The following RPS6KA2 variants were observed in gnomAD, a reference collection of about 807,000 sequenced individuals.
RPS6KA2 encodes the protein ribosomal protein S6 kinase A2, also known as ribosomal protein S6 kinase alpha-2.
Under a neutral mutation model 91.8 loss-of-function variants are expected in RPS6KA2, and 42 were observed. The ratio of observed to expected loss-of-function variants is 0.46; its 90% CI spans 0.36 to 0.59. The LOEUF is 0.59. RPS6KA2 is among the 20% of genes least tolerant of loss of function. The probability of loss-of-function intolerance (pLI) is 0.00; values close to 1 mark genes in which losing one functional copy is unlikely to be tolerated. For synonymous variants in RPS6KA2, 414 were observed against 393.6 expected, an observed-to-expected ratio of 1.05 and a Z score of -0.61; for missense variants, 798 against 978.5, an observed-to-expected ratio of 0.82 and a Z score of 2.46.
chr6:166,839,587 G>C (rs1780405778), intron 2 of RPS6KA2, among the ~76,000 whole-genome samples: 1 of 147,202 alleles, frequency 6.8e-6, no homozygotes, highest in African/African-American at 2.5e-5. Flanking sequence ...TTTATAATGG[G>C]GGCTTTGGAA....
In RPS6KA2 at chr6:166,494,556, T is replaced by G. The variant is rs1781714518; in HGVS notation, c.748-3815A>C. 6.6e-6 allele frequency among the ~76,000 whole-genome samples: 1 copy of G among 152,146 alleles called. No homozygotes were observed. Among genetic ancestry groups the G allele is most frequent in the Non-Finnish European group, 1.5e-5 (1 of 68,034 alleles). On this transcript the variant is annotated intron_variant, in intron 8 of 20. Coordinates refer to ENST00000265678, the MANE Select transcript of RPS6KA2 (RefSeq NM_021135.6). The surrounding 1 kb of genome is among the most constrained non-coding windows in gnomAD (Gnocchi z 5.1). ...AGATGTTTACAAAACAGCCCAAATA[T>G]CCTTCTAGAAACTGGCTCCAGCCTG...
chr6:166,562,804 C>A (rs1784381495), intron 1 of RPS6KA2, among the ~76,000 whole-genome samples: 1 of 152,212 alleles, frequency 6.6e-6, no homozygotes, highest in Non-Finnish European at 1.5e-5. Flanking sequence ...GTGGATGGGA[C>A]AGCATGGCCA....
At chr6:166,615,732 T>C (rs1047869135) in intron 1 of RPS6KA2, among the ~76,000 whole-genome samples, 1 of 152,176 alleles carries the variant, frequency 6.6e-6, no homozygotes, top group African/African-American at 2.4e-5. Context: ...ATCCCCGCTC[T>C]ATCCTGTCCT....
chr6:166,801,933 T>G (rs1458168527), intron 2 of RPS6KA2, among the ~76,000 whole-genome samples: 1 of 152,040 alleles, frequency 6.6e-6, no homozygotes, highest in Non-Finnish European at 1.5e-5. Flanking sequence ...TTCAAAAATC[T>G]GAGAGGAAAA....
chr6:166,471,555 T>C (rs538704988), intron 10 of RPS6KA2, among the ~76,000 whole-genome samples: 5 of 152,348 alleles, frequency 3.3e-5, no homozygotes, highest in African/African-American at 1.2e-4. Context: ...AAAGTCCATC[T>C]AGAAGGAATT....
chr6:166,672,693 A>T (rs1788503973), intron 2 of RPS6KA2, among the ~76,000 whole-genome samples: 1 of 152,216 alleles, frequency 6.6e-6, no homozygotes, highest in Non-Finnish European at 1.5e-5. Flanking sequence ...TACTGGACAG[A>T]GGGCTGATCT....
At chr6:166,441,851 G>A (rs1483071750) in intron 14 of RPS6KA2, among the ~76,000 whole-genome samples, 1 of 152,264 alleles carries the variant, frequency 6.6e-6, no homozygotes, top group Middle Eastern at 3.2e-3. Flanking sequence ...CTGTGGGGAA[G>A]GAAGCTGGAG....
chr6:166,690,881 G>A (rs1026654323), intron 2 of RPS6KA2, among the ~76,000 whole-genome samples: 3 of 152,078 alleles, frequency 2.0e-5, no homozygotes, highest in East Asian at 1.9e-4. Context: ...GCTGTGGACA[G>A]GTGTTTACAG....
At chr6:166,507,392 A>C (rs992969937) in intron 5 of RPS6KA2, among the ~76,000 whole-genome samples, 2 of 145,232 alleles carry the variant, frequency 1.4e-5, no homozygotes, top group African/African-American at 5.2e-5. Context: ...ACACACACCC[A>C]CCCCACATCA....
chr6:166,629,724 G>C (rs759767236), upstream of RPS6KA2, among the ~76,000 whole-genome samples: 1 of 152,200 alleles, frequency 6.6e-6, no homozygotes, highest in Non-Finnish European at 1.5e-5. Flanking sequence ...CTGAAGAGAA[G>C]ATAAAGAGCT....
intron 2 of RPS6KA2, among the ~76,000 whole-genome samples, chr6:166,850,669 C>A (rs1445465977): frequency 6.6e-6 from 1 of 152,212 alleles, no homozygotes; most frequent in African/African-American, 2.4e-5. Flanking sequence ...TGAGCCCCTG[C>A]GTCCTCCTCA....
intron 2 of RPS6KA2, among the ~76,000 whole-genome samples, chr6:166,818,716 T>G (rs1364036768): frequency 6.6e-6 from 1 of 152,134 alleles, no homozygotes; most frequent in African/African-American, 2.4e-5. Flanking sequence ...ATCCATCAAT[T>G]ATTTTTTAGT....
At chr6:166,828,901 G>A (rs1309304559) in intron 2 of RPS6KA2, among the ~76,000 whole-genome samples, 3 of 152,106 alleles carry the variant, frequency 2.0e-5, no homozygotes, top group Non-Finnish European at 4.4e-5. Context: ...CCCACAGAAT[G>A]GGAGAAAATA....
At chr6:166,846,906 G>C (rs1221077457) in intron 2 of RPS6KA2, among the ~76,000 whole-genome samples, 1 of 152,174 alleles carries the variant, frequency 6.6e-6, no homozygotes, top group Non-Finnish European at 1.5e-5. Context: ...AATTGGTAAA[G>C]AGGAAGTCAA....
At chr6:166,637,178 C>G (rs183319798) in intron 2 of RPS6KA2, among the ~76,000 whole-genome samples, 2 of 152,312 alleles carry the variant, frequency 1.3e-5, no homozygotes, top group East Asian at 3.9e-4. Context: ...CTGGGACCAT[C>G]TGGAGGGGAA....
chr6:166,857,087 C>T (rs1335669808), intron 2 of RPS6KA2, among the ~76,000 whole-genome samples: 7 of 152,176 alleles, frequency 4.6e-5, no homozygotes, highest in South Asian at 4.1e-4. Flanking sequence ...GCTATGTCAT[C>T]GGATCATAAG....
intron 2 of RPS6KA2, among the ~76,000 whole-genome samples, chr6:166,731,203 T>C (rs1007773741): frequency 1.3e-5 from 2 of 151,850 alleles, no homozygotes; most frequent in African/African-American, 4.8e-5. Context: ...GATTGCGCCA[T>C]TGCACTCCAG....
rs572916006 is a variant in RPS6KA2 at position 166,587,825 on chromosome 6, G to C, written c.99+39096C>G. Among the ~76,000 whole-genome samples the C allele has an allele frequency of 2.0e-3, 299 of 152,308 alleles. 2 individuals carry two copies. The highest frequency in any genetic ancestry group is 0.013 in the South Asian group (63 of 4,828). On this transcript the variant is annotated intron_variant, in intron 1 of 20. Coordinates refer to ENST00000265678, the MANE Select transcript of RPS6KA2 (RefSeq NM_021135.6). ...GGTAGAGTCTGACTTCCTGCTGGCT[G>C]CTGTCATTCATGGCAGGACTTTCCG... is the stretch of plus-strand genomic sequence containing the variant.
At chr6:166,537,056 A>G (rs1783502484) in intron 2 of RPS6KA2, among the ~76,000 whole-genome samples, 3 of 152,366 alleles carry the variant, frequency 2.0e-5, no homozygotes, top group African/African-American at 7.2e-5. Flanking sequence ...TGTGAGGAGG[A>G]CATTGGTAAG....
Sources: allele counts gnomAD v4.1 joint callset (sites outside exome capture counted in the v4.1 genomes callset), GRCh38; gene constraint gnomAD v4.1.1; non-coding constraint Gnocchi (gnomAD v3.1); transcripts MANE v1.5; gene names NCBI Gene and HGNC (gene_info 2026-07-23, HGNC 2026-07-21).